ACYP2: variants seen among roughly 807,000 people sequenced by gnomAD.
The protein encoded by ACYP2 is acylphosphatase-2.
A neutral mutation model predicts 11.2 loss-of-function variants in ACYP2; 12 were observed. That is an observed-to-expected ratio of 1.08 (90% CI 0.69 to 1.74). The LOEUF (loss-of-function observed/expected upper bound fraction) is 1.74, where lower values mean the gene tolerates loss of function less well. ACYP2 is among the 40% of genes most tolerant of loss of function. The probability of loss-of-function intolerance (pLI) is 0.00; values close to 1 mark genes in which losing one functional copy is unlikely to be tolerated. For missense variants in ACYP2, 134 were observed against 101.9 expected (o/e 1.31, Z -1.35); for synonymous variants, 43 against 32.2 (o/e 1.33, Z -1.13).
intron 6 of ACYP2, among the ~76,000 whole-genome samples, chr2:54,303,963 A>G (rs767849401): frequency 3.9e-5 from 6 of 152,220 alleles, no homozygotes; most frequent in Non-Finnish European, 7.3e-5. Context: ...TATATAGGAA[A>G]TATCTTGGGT....
At chr2:54,047,122 C>G (rs936037932) in intron 2 of ACYP2, among the ~76,000 whole-genome samples, 1 of 152,232 alleles carries the variant, frequency 6.6e-6, no homozygotes, top group African/African-American at 2.4e-5. Context: ...GGCTGGATAA[C>G]TGTTTTCTAA....
At chr2:53,996,372 G>C (rs1310313829) in intron 2 of ACYP2, among the ~76,000 whole-genome samples, 2 of 152,124 alleles carry the variant, frequency 1.3e-5, no homozygotes, top group Non-Finnish European at 2.9e-5. Flanking sequence ...GGAGGATTGG[G>C]TAAAGAAAGC....
chr2:54,288,452 A>C (rs993484608), intron 6 of ACYP2, among the ~76,000 whole-genome samples: 1 of 152,154 alleles, frequency 6.6e-6, no homozygotes, highest in East Asian at 1.9e-4. Context: ...ATCATTATGT[A>C]TATTCTCTAG....
At chr2:54,068,550 AG>A (rs1159867973) in intron 4 of ACYP2, among the ~76,000 whole-genome samples, 1 of 152,232 alleles carries the variant, frequency 6.6e-6, no homozygotes, top group Non-Finnish European at 1.5e-5. Context: ...AGCATAAACT[AG>A]GTCCAAAGAG....
chr2:53,973,853 ATATGTGTGTGTGTGTGTGTGTGTG>A, intron 2 of ACYP2: 1 of 113,396 alleles, frequency 8.8e-6, no homozygotes, highest in African/African-American at 6.4e-5. Flanking sequence ...TGGGATATAT[ATATGTGTGTGTGTGTGTGTGTGTG>A]TGTGTGTGTG....
At chr2:54,195,610 C>T (rs1219927359) in intron 6 of ACYP2, among the ~76,000 whole-genome samples, 1 of 141,562 alleles carries the variant, frequency 7.1e-6, no homozygotes, top group African/African-American at 2.7e-5. Context: ...TCCGCAGCCA[C>T]GTTGCAAGAA....
chr2:54,249,167 A>G (rs755283288), intron 6 of ACYP2, among the ~76,000 whole-genome samples: 4 of 152,140 alleles, frequency 2.6e-5, no homozygotes, highest in Non-Finnish European at 5.9e-5. Flanking sequence ...TACTTTGTCA[A>G]TAGTGTAAAT....
intron 4 of ACYP2, among the ~76,000 whole-genome samples, chr2:54,097,135 A>C (rs911060249): frequency 2.0e-5 from 3 of 152,206 alleles, no homozygotes; most frequent in African/African-American, 7.2e-5. Flanking sequence ...TCTCTGTTCC[A>C]AGGTTACCTT....
At chr2:54,256,173 A>G in intron 6 of ACYP2, 1 of 1,598,162 alleles carries the variant, frequency 6.3e-7, no homozygotes, top group Non-Finnish European at 8.5e-7. Context: ...CCAGGGCAGC[A>G]GTGGGTAGAG....
At chr2:54,270,379 A>G (rs967179500) in intron 6 of ACYP2, among the ~76,000 whole-genome samples, 6 of 152,210 alleles carry the variant, frequency 3.9e-5, no homozygotes, top group Admixed American at 2.6e-4. Flanking sequence ...TTACTCTGCT[A>G]TGTACCATAA....
intron 6 of ACYP2, among the ~76,000 whole-genome samples, chr2:54,217,015 T>A (rs1396289423): frequency 6.6e-6 from 1 of 152,220 alleles, no homozygotes; most frequent in Non-Finnish European, 1.5e-5. Flanking sequence ...TGTAAATCAT[T>A]TATTTGTTCT....
intron 4 of ACYP2, among the ~76,000 whole-genome samples, chr2:54,068,714 CA>C (rs2103643901): frequency 6.6e-6 from 1 of 152,106 alleles, no homozygotes; most frequent in East Asian, 1.9e-4. Context: ...TACATGCGCC[CA>C]AAAGCATCTT....
rs114149657 is a variant in ACYP2, at chr2:54,294,097, C to T, written c.405-10591C>T. ...TGCTATGGTCTTCATTTTATACTGG[C>T]GCTGAAGAGACATCTGAAAGGATTA... On this transcript the variant is annotated intron_variant, in intron 6 of 6. Transcript: ENST00000607452. Among the ~76,000 whole-genome samples the T allele has an allele frequency of 9.0e-3, 1,368 of 152,230 alleles. 17 individuals carry two copies. The highest frequency in any genetic ancestry group is 0.031 in the African/African-American group (1,284 of 41,540).
intron 6 of ACYP2, among the ~76,000 whole-genome samples, chr2:54,275,469 T>A (rs1688514018): frequency 6.6e-6 from 1 of 152,156 alleles, no homozygotes; most frequent in Admixed American, 6.5e-5. Flanking sequence ...AGAGGAATAG[T>A]CCCACTTGAC....
chr2:54,073,309 T>C (rs1275488793), intron 4 of ACYP2, among the ~76,000 whole-genome samples: 1 of 151,984 alleles, frequency 6.6e-6, no homozygotes, highest in African/African-American at 2.4e-5. Flanking sequence ...GGAAGATCTC[T>C]TGAGCCCAGG....
intron 6 of ACYP2, among the ~76,000 whole-genome samples, chr2:54,290,752 C>G (rs11683930): frequency 0.038 from 5,837 of 152,210 alleles, 149 homozygotes; most frequent in South Asian, 0.1. Flanking sequence ...GGTGAAAACG[C>G]AGGCGTGTCT....
At chr2:54,073,269 G>T (rs192969745) in intron 4 of ACYP2, among the ~76,000 whole-genome samples, 249 of 152,158 alleles carry the variant, frequency 1.6e-3, no homozygotes, top group Non-Finnish European at 3.0e-3. Flanking sequence ...GTGCATGCCT[G>T]TAGTCCCAGC....
chr2:54,170,277 C>T (rs1270814150), intron 6 of ACYP2, among the ~76,000 whole-genome samples: 1 of 152,086 alleles, frequency 6.6e-6, no homozygotes, highest in Non-Finnish European at 1.5e-5. Flanking sequence ...CTCAGCCTCC[C>T]GAGTAGCTGG....
chr2:54,077,796 C>T (rs552482307), intron 4 of ACYP2, among the ~76,000 whole-genome samples: 3 of 152,232 alleles, frequency 2.0e-5, no homozygotes, highest in Admixed American at 1.3e-4. Context: ...TTAGTAGTAG[C>T]GCTGGAAGTA....
Sources: gnomAD v4.1 joint callset for allele counts (sites outside exome capture counted in the v4.1 genomes callset) on GRCh38, gnomAD v4.1.1 for gene constraint, MANE v1.5 for transcripts, NCBI Gene and HGNC (gene_info 2026-07-23, HGNC 2026-07-21) for gene names.